The following SNX29 variants were observed in gnomAD, a reference collection of about 807,000 sequenced individuals.
SNX29 encodes the protein sorting nexin 29.
In SNX29, 78 loss-of-function variants were observed where a neutral mutation model predicts 102.1. The ratio of observed to expected loss-of-function variants is 0.76; its 90% CI spans 0.64 to 0.92. The LOEUF (loss-of-function observed/expected upper bound fraction) is 0.92, where lower values mean the gene tolerates loss of function less well. Ranked by LOEUF, SNX29 falls within the 40% of genes least tolerant of loss-of-function variation. The probability of loss-of-function intolerance (pLI) is 0.00; values close to 1 mark genes in which losing one functional copy is unlikely to be tolerated. For missense variants in SNX29, 1,280 were observed against 1,061.7 expected, an observed-to-expected ratio of 1.21 and a Z score of -2.86; for synonymous variants, 580 against 414.5, an observed-to-expected ratio of 1.40 and a Z score of -4.85.
chr16:12,197,541 A>T (rs1284325990), intron 13 of SNX29, among the ~76,000 whole-genome samples: 3 of 152,248 alleles, frequency 2.0e-5, no homozygotes, highest in Admixed American at 6.5e-5. Context: ...ACTGCACTCC[A>T]GCCTGGGCGA....
chr16:12,239,677 G>A (rs1036510195), intron 14 of SNX29, among the ~76,000 whole-genome samples: 8 of 146,230 alleles, frequency 5.5e-5, no homozygotes, highest in Non-Finnish European at 1.0e-4. Context: ...AAATTAGTCC[G>A]GTGTGGTGAT....
intron 9 of SNX29, among the ~76,000 whole-genome samples, chr16:12,064,836 C>A (rs2050951721): frequency 6.6e-6 from 1 of 152,244 alleles, no homozygotes; most frequent in South Asian, 2.1e-4. Context: ...CCTTTTGTCC[C>A]TTCTGAGGGA....
intron 14 of SNX29, among the ~76,000 whole-genome samples, chr16:12,213,511 C>G (rs1016337519): frequency 6.6e-6 from 1 of 152,070 alleles, no homozygotes; most frequent in African/African-American, 2.4e-5. Context: ...ACAACATTGA[C>G]TTTATAGAAT....
intron 19 of SNX29, among the ~76,000 whole-genome samples, chr16:12,485,023 G>T (rs529155942): frequency 3.4e-4 from 52 of 152,254 alleles, no homozygotes; most frequent in South Asian, 8.3e-4. Context: ...CAGAAATTCA[G>T]TGGAAGAGTT....
At chr16:11,982,906 T>C (rs749345217) in intron 1 of SNX29, among the ~76,000 whole-genome samples, 7 of 152,132 alleles carry the variant, frequency 4.6e-5, no homozygotes, top group Non-Finnish European at 1.0e-4. Context: ...TTTTGGCAGC[T>C]TTTTATTAAA....
At chr16:12,507,387 C>G (rs1199480688) in intron 19 of SNX29, among the ~76,000 whole-genome samples, 1 of 152,208 alleles carries the variant, frequency 6.6e-6, no homozygotes, top group African/African-American at 2.4e-5. Context: ...TCTGGACAGT[C>G]AATGGCTAAT....
intron 14 of SNX29, among the ~76,000 whole-genome samples, chr16:12,265,330 C>A (rs551254900): frequency 1.3e-5 from 2 of 152,262 alleles, no homozygotes; most frequent in East Asian, 1.9e-4. Flanking sequence ...ATCACATGAG[C>A]AGGTGGGACT....
intron 13 of SNX29, among the ~76,000 whole-genome samples, chr16:12,131,714 G>A (rs2054475691): frequency 6.6e-6 from 1 of 152,200 alleles, no homozygotes; most frequent in Non-Finnish European, 1.5e-5. Flanking sequence ...TCTTGTGGAT[G>A]TGCAAGGGAG....
intron 15 of SNX29, among the ~76,000 whole-genome samples, chr16:12,307,674 G>A (rs573114890): frequency 6.6e-6 from 1 of 152,230 alleles, no homozygotes; most frequent in South Asian, 2.1e-4. Context: ...ATTTGCCGAA[G>A]CCTGGAATGG....
Position 12,101,301 on chromosome 16 carries a change from C to CT in SNX29, c.1402+22401dup, listed in dbSNP as rs1212782573. ...AATGTACCTTTGTGGCCCCCCCCAA[C>CT]TTTTTTTTTTTTTTTGCCTTGCAGA... On this transcript the variant is annotated intron_variant, in intron 11 of 20. Transcript: ENST00000566228. 7.6e-4 allele frequency among the ~76,000 whole-genome samples: 90 copies of CT among 118,566 alleles called. 3 individuals carry two copies. The highest frequency in any genetic ancestry group is 3.4e-3 in the South Asian group (13 of 3,782). The allele number at this position is 118,566 out of a possible 152,430, so 77.8% of individuals were successfully genotyped here.
chr16:12,055,816 G>T (rs1412487130), intron 8 of SNX29, among the ~76,000 whole-genome samples: 1 of 152,220 alleles, frequency 6.6e-6, no homozygotes, highest in Non-Finnish European at 1.5e-5. Context: ...CTAGAATAAT[G>T]TTTGACCAAA....
chr16:12,313,066 G>A (rs2080613961), intron 15 of SNX29, among the ~76,000 whole-genome samples: 1 of 151,822 alleles, frequency 6.6e-6, no homozygotes, highest in South Asian at 2.1e-4. Context: ...CCAGGGTGGA[G>A]TGAGTGGGGC....
rs71139581 is a variant in SNX29 at position 12,153,466 on chromosome 16, AAAAAAAC to A, written c.1595+23730_1595+23736del. Reference sequence around the variant, plus strand: ...CTCCCTCTGAATCTTTGTCTCAAAAAAAAAAACAAAAAACAAAAAACAAAAAACCAAA... The same window carrying A: ...CTCCCTCTGAATCTTTGTCTCAAAAAAAAAAACAAAAAACAAAAAACCAAA... On this transcript the variant is annotated intron_variant, in intron 13 of 20. Transcript: ENST00000566228. Among the ~76,000 whole-genome samples, 983 of 150,556 alleles carry A rather than the reference AAAAAAAC, an allele frequency of 6.5e-3. 6 individuals carry two copies. The highest frequency in any genetic ancestry group is 0.017 in the South Asian group (79 of 4,762).
In SNX29 at chr16:12,277,582, TA is replaced by T. The variant is rs550157274; in HGVS notation, c.1679-350del. On this transcript the variant is annotated intron_variant, in intron 14 of 20. Coordinates refer to ENST00000566228, the MANE Select transcript of SNX29 (RefSeq NM_032167.5). Reference sequence around the variant, plus strand: ...TTTAAAAATACAGCTTATCGCTTTTTATTTTTTTAAGTGACAAAGTCTAGTT... The same window carrying T: ...TTTAAAAATACAGCTTATCGCTTTTTTTTTTTTAAGTGACAAAGTCTAGTT... Among the ~76,000 whole-genome samples the T allele has an allele frequency of 2.6e-3, 400 of 152,292 alleles. 2 individuals carry two copies. Among genetic ancestry groups the T allele is most frequent in the African/African-American group, 8.8e-3 (367 of 41,552 alleles).
chr16:12,313,641 G>T (rs886403684), intron 15 of SNX29, among the ~76,000 whole-genome samples: 3 of 152,198 alleles, frequency 2.0e-5, no homozygotes, highest in Non-Finnish European at 2.9e-5. Flanking sequence ...TTTGTTTCAT[G>T]TGTGTTATAG....
At position 12,544,989 on chromosome 16, in the gene SNX29, T is replaced by G. The variant is rs1337590999; in HGVS notation, c.2318+20148T>G. On this transcript the variant is annotated intron_variant, in intron 20 of 20. Coordinates refer to ENST00000566228, the MANE Select transcript of SNX29 (RefSeq NM_032167.5). ...CTCAGAGAGATTGAGTAACTTGTCCTAGGTGGCACAGCTAGGAAGCAGCAG... is the reference window on the plus strand; with the variant it reads ...CTCAGAGAGATTGAGTAACTTGTCCGAGGTGGCACAGCTAGGAAGCAGCAG... Among the ~76,000 whole-genome samples, 3 of 152,186 alleles carry G rather than the reference T, an allele frequency of 2.0e-5. No homozygotes were observed. The East Asian group carries it at 5.8e-4, about 29-fold the overall frequency.
At chr16:12,071,752 T>C (rs931576377) in intron 10 of SNX29, among the ~76,000 whole-genome samples, 5 of 152,224 alleles carry the variant, frequency 3.3e-5, no homozygotes, top group African/African-American at 1.2e-4. Flanking sequence ...ATCTATAAAT[T>C]ACCTTGGGCA....
chr16:12,310,063 C>T (rs1402978946), intron 15 of SNX29, among the ~76,000 whole-genome samples: 3 of 151,946 alleles, frequency 2.0e-5, no homozygotes, highest in Non-Finnish European at 4.4e-5. Flanking sequence ...CACACGCATG[C>T]ACGCACATAC....
chr16:12,505,783 A>AAAAAAAAAAAAAAAT (rs2089349507), intron 19 of SNX29, among the ~76,000 whole-genome samples: 1 of 150,898 alleles, frequency 6.6e-6, no homozygotes, highest in Admixed American at 6.6e-5. Context: ...AAAAAAAAAA[A>AAAAAAAAAAAAAAAT]GGCAACTGGG....
Sources: gnomAD v4.1 joint callset for allele counts (sites outside exome capture counted in the v4.1 genomes callset) on GRCh38, gnomAD v4.1.1 for gene constraint, MANE v1.5 for transcripts, NCBI Gene and HGNC (gene_info 2026-07-23, HGNC 2026-07-21) for gene names.